The following ALPK3 variants were observed in gnomAD, a reference collection of about 807,000 sequenced individuals.
The protein encoded by ALPK3 is alpha kinase 3.
Under a neutral mutation model 140.0 loss-of-function variants are expected in ALPK3, and 102 were observed. The observed-to-expected ratio is 0.73, with a 90% CI of 0.62 to 0.86. The LOEUF (loss-of-function observed/expected upper bound fraction) is 0.86, where lower values mean the gene tolerates loss of function less well. ALPK3 is among the 40% of genes least tolerant of loss of function. The probability of loss-of-function intolerance (pLI) is 0.00; values close to 1 mark genes in which losing one functional copy is unlikely to be tolerated. For synonymous variants in ALPK3, 938 were observed against 898.5 expected, an observed-to-expected ratio of 1.04 and a Z score of -0.79; for missense variants, 2,254 against 2,208.2, an observed-to-expected ratio of 1.02 and a Z score of -0.42.
rs375717780 is a variant in ALPK3 at position 84,857,854 on chromosome 15, G to A, written c.3116G>A (p.Arg1039His). ...CTGCTGAGCCCCTGTACCTCCCGCC[G>A]CCTCACCGGCCTCCTGGACCGTGAG... The part of the protein sequence containing the change: ...TLLLSPCTSR[R>H]LTGLLDREVQ... The change falls in exon 6 of 14, where the codon CGC (arginine) becomes CAC (histidine). Residue 1039 changes from arginine to histidine, a missense_variant. Arg to His is a conservative substitution (Grantham distance 29). Coordinates refer to ENST00000258888, the MANE Select transcript of ALPK3 (RefSeq NM_020778.5). The A allele has an allele frequency of 6.6e-5, 107 of 1,611,858 alleles. No homozygotes were observed. The highest frequency in any genetic ancestry group is 8.3e-5 in the Non-Finnish European group (98 of 1,179,014).
Position 84,857,723 on chromosome 15 carries a change from C to T in ALPK3, c.2985C>T (p.Ala995=). The change falls in exon 6 of 14, where the codon GCC becomes GCT. Residue 995 remains alanine (A), a synonymous_variant. Coordinates refer to ENST00000258888, the MANE Select transcript of ALPK3 (RefSeq NM_020778.5). ...CCACCGGAGGTCTGGTGCCCTCAGC[C>T]ACTCTGACACCCACTGTGGAAGTGG... ...GAATGGLVPS[A]TLTPTVEVAG... The T allele has an allele frequency of 6.2e-7, 1 of 1,612,694 alleles. No homozygotes were observed. The highest frequency in any genetic ancestry group is 2.2e-5 in the East Asian group (1 of 44,838).
chr15:84,850,086 G>GA (rs11346649), intron 5 of ALPK3, among the ~76,000 whole-genome samples: 6 of 143,244 alleles, frequency 4.2e-5, no homozygotes, highest in South Asian at 2.2e-4. Flanking sequence ...TTGACAGGGT[G>GA]AAAAAAAAAA....
At chr15:84,844,237 CA>C (rs1021349916) in intron 5 of ALPK3, among the ~76,000 whole-genome samples, 4 of 150,750 alleles carry the variant, frequency 2.7e-5, no homozygotes, top group Non-Finnish European at 5.9e-5. Context: ...CAAAAAAACC[CA>C]AAAAAACAAA....
intron 3 of ALPK3, 45 bp downstream of exon 3, chr15:84,827,650 A>AGCCT: frequency 6.2e-7 from 1 of 1,609,210 alleles, no homozygotes; most frequent in East Asian, 2.2e-5. Flanking sequence ...CTCTGCACAG[A>AGCCT]GCAGGGTCCA....
chr15:84,839,553 T>C, intron 4 of ALPK3, 149 bp from the exon 5 acceptor site: 3 of 882,708 alleles, frequency 3.4e-6, no homozygotes, highest in Middle Eastern at 3.6e-4. Flanking sequence ...GTGTTGTATG[T>C]TGTGACGTGT....
intron 5 of ALPK3, among the ~76,000 whole-genome samples, chr15:84,845,497 G>C (rs1963719737): frequency 6.6e-6 from 1 of 152,042 alleles, no homozygotes; most frequent in African/African-American, 2.4e-5. Context: ...CTGAAAAAGG[G>C]GGCCCTATGG....
intron 3 of ALPK3, among the ~76,000 whole-genome samples, chr15:84,836,670 C>T (rs955366848): frequency 1.3e-5 from 2 of 152,198 alleles, no homozygotes; most frequent in Non-Finnish European, 2.9e-5. Flanking sequence ...ACATGGTAAG[C>T]TTGATACCTC....
chr15:84,870,559 A>G lies in ALPK3; in HGVS notation c.*2103A>G, dbSNP rs1964057999. The G allele has an allele frequency of 6.6e-6, 1 of 152,260 alleles. No homozygotes were observed. Among genetic ancestry groups the G allele is most frequent in the Non-Finnish European group, 1.5e-5 (1 of 68,056 alleles). The allele number at this position is 152,260 out of a possible 1,614,324, so 9.4% of individuals were successfully genotyped here. ...GCGTTCATGGGAAGGATGCTGGGAT[A>G]GCTCACAAAACCAAAAGAATAGCTG... On this transcript the variant is annotated 3_prime_UTR_variant, in exon 14 of 14. Coordinates refer to ENST00000258888, the MANE Select transcript of ALPK3 (RefSeq NM_020778.5).
chr15:84,838,002 G>T (rs1436950632), intron 3 of ALPK3, among the ~76,000 whole-genome samples: 1 of 152,224 alleles, frequency 6.6e-6, no homozygotes, highest in Non-Finnish European at 1.5e-5. Context: ...TATGGCCAGA[G>T]AGGTAAGGGA....
At chr15:84,822,907 G>A (rs1963442947) in intron 1 of ALPK3, among the ~76,000 whole-genome samples, 1 of 152,238 alleles carries the variant, frequency 6.6e-6, no homozygotes, top group African/African-American at 2.4e-5. Context: ...GCCTCTCAGG[G>A]GATTTCCAGG....
At chr15:84,841,950 C>T (rs991077711) in intron 5 of ALPK3, among the ~76,000 whole-genome samples, 1 of 152,178 alleles carries the variant, frequency 6.6e-6, no homozygotes, top group Non-Finnish European at 1.5e-5. Flanking sequence ...ATAGATAGAA[C>T]ATATTTACAC....
At chr15:84,839,263 C>T (rs1963629580) in intron 4 of ALPK3, among the ~76,000 whole-genome samples, 166 bp downstream of exon 4, 1 of 152,222 alleles carries the variant, frequency 6.6e-6, no homozygotes, top group South Asian at 2.1e-4. Context: ...ACCACATCTG[C>T]CTTCCGGTGT....
intron 2 of ALPK3, 145 bp downstream of exon 2, chr15:84,823,513 G>A: frequency 1.1e-6 from 1 of 911,208 alleles, no homozygotes; most frequent in Non-Finnish European, 1.7e-6. Context: ...GTGCAAGAAG[G>A]TACTCAGGTG....
At chr15:84,822,185 A>G (rs11073739) in intron 1 of ALPK3, among the ~76,000 whole-genome samples, 9,436 of 152,208 alleles carry the variant, frequency 0.062, 635 homozygotes, top group East Asian at 0.25. Flanking sequence ...GTGCAACAAC[A>G]AGAGCAGAGA....
At chr15:84,864,001 G>A (rs1459233435) in intron 11 of ALPK3, among the ~76,000 whole-genome samples, 1 of 152,216 alleles carries the variant, frequency 6.6e-6, no homozygotes, top group South Asian at 2.1e-4. Flanking sequence ...TGCAGGCAGG[G>A]TCAGTGTGGA....
At chr15:84,861,404 T>G (rs1420986978) in intron 9 of ALPK3, among the ~76,000 whole-genome samples, 1 of 152,208 alleles carries the variant, frequency 6.6e-6, no homozygotes, top group East Asian at 1.9e-4. Context: ...TCACAGGTGC[T>G]GTGTATACCT....
At position 84,840,199 on chromosome 15, in the gene ALPK3, C is replaced by G; in HGVS notation, c.920C>G (p.Ala307Gly). 1 of 1,613,556 alleles carries G rather than the reference C, an allele frequency of 6.2e-7. No individual in the cohort carries two copies. The highest frequency in any genetic ancestry group is 8.5e-7 in the Non-Finnish European group (1 of 1,179,918). Residue 307 changes from alanine to glycine, a missense_variant, in exon 5 of 14, where the codon GCC becomes GGC. Ala to Gly is a moderately conservative substitution (Grantham distance 60). Transcript: ENST00000258888. The stretch of plus-strand genomic sequence containing the variant: ...GCCATGGAGCTGGGGCCTCAGAGAG[C>G]CCTCAAAGAGGAGAGTGGGGCCAAG... Reference protein sequence around the residue: ...CDAMELGPQRALKEESGAKKK... With the variant: ...CDAMELGPQRGLKEESGAKKK...
chr15:84,855,477 G>C (rs1413857802), intron 5 of ALPK3, among the ~76,000 whole-genome samples: 2 of 152,102 alleles, frequency 1.3e-5, no homozygotes, highest in African/African-American at 4.8e-5. Flanking sequence ...TTTATTTCAT[G>C]TTTACTTTGT....
At chr15:84,841,000 A>G in intron 5 of ALPK3, 68 bp downstream of exon 5, 1 of 1,475,420 alleles carries the variant, frequency 6.8e-7, no homozygotes, top group Non-Finnish European at 9.0e-7. Flanking sequence ...TCTTGCTGCA[A>G]CTGCTGGGCA....
Sources: allele counts gnomAD v4.1 joint callset (sites outside exome capture counted in the v4.1 genomes callset), GRCh38; gene constraint gnomAD v4.1.1; transcripts MANE v1.5; gene names NCBI Gene and HGNC (gene_info 2026-07-23, HGNC 2026-07-21).